SAMTOR: variants seen among roughly 807,000 people sequenced by gnomAD.
SAMTOR encodes the protein S-adenosylmethionine sensor upstream of mTORC1, also known as UPF0532 protein C7orf60.
the SAMTOR span, among the ~76,000 whole-genome samples, chr7:112,869,049 C>T: frequency 6.6e-6 from 1 of 152,104 alleles, no homozygotes. Flanking sequence ...ACTGCCCCAA[C>T]AGAAGGAGGA....
At chr7:112,835,511 A>C in the SAMTOR span, among the ~76,000 whole-genome samples, 1 of 152,108 alleles carries the variant, frequency 6.6e-6, no homozygotes, top group African/African-American at 2.4e-5. Flanking sequence ...TTTTAGGTCC[A>C]GGGGTACATG....
At chr7:112,834,564 C>T in the SAMTOR span, among the ~76,000 whole-genome samples, 54 of 152,242 alleles carry the variant, frequency 3.5e-4, no homozygotes, top group African/African-American at 1.2e-3. Flanking sequence ...ATTTAAATTG[C>T]GTGACATTCT....
chr7:112,891,168 ATTTC>A, the SAMTOR span, among the ~76,000 whole-genome samples: 5 of 152,226 alleles, frequency 3.3e-5, no homozygotes, highest in African/African-American at 1.2e-4. Flanking sequence ...TAACTATATA[ATTTC>A]TTTAACTGGC....
At chr7:112,900,152 A>G in the SAMTOR span, among the ~76,000 whole-genome samples, 4 of 152,288 alleles carry the variant, frequency 2.6e-5, no homozygotes, top group South Asian at 8.3e-4. Context: ...ATATCTAAGA[A>G]GAGATTTGTA....
At chr7:112,939,514 T>C in the SAMTOR span, 3 of 1,605,342 alleles carry the variant, frequency 1.9e-6, no homozygotes, top group African/African-American at 2.7e-5. Flanking sequence ...GGTGGCCTCT[T>C]TGGAGGAGGG....
chr7:112,902,439 C>CAAAAAAAAAAAAAAAAAAAAAAAAAAAAA, the SAMTOR span, among the ~76,000 whole-genome samples: 1 of 81,460 alleles, frequency 1.2e-5, no homozygotes, highest in African/African-American at 4.9e-5. Context: ...CAAAAAAAAA[C>CAAAAAAAAAAAAAAAAAAAAAAAAAAAAA]AAAAAAAAAC....
chr7:112,878,579 A>T, the SAMTOR span, among the ~76,000 whole-genome samples: 1 of 152,282 alleles, frequency 6.6e-6, no homozygotes, highest in East Asian at 1.9e-4. Flanking sequence ...ATCTAAGGAC[A>T]AACAGGAAAT....
At chr7:112,920,185 A>C in the SAMTOR span, among the ~76,000 whole-genome samples, 1 of 152,370 alleles carries the variant, frequency 6.6e-6, no homozygotes, top group South Asian at 2.1e-4. Context: ...ATGAACATTG[A>C]TGCAAAAATC....
the SAMTOR span, among the ~76,000 whole-genome samples, chr7:112,922,102 C>T: frequency 4.6e-5 from 7 of 152,122 alleles, no homozygotes; most frequent in Non-Finnish European, 8.8e-5. Context: ...ATTACAGGCG[C>T]GCGCCGCCAC....
At chr7:112,893,192 C>A in the SAMTOR span, among the ~76,000 whole-genome samples, 3 of 152,194 alleles carry the variant, frequency 2.0e-5, no homozygotes, top group South Asian at 6.2e-4. Context: ...AGCTCTGAAG[C>A]CAGGTATTGA....
chr7:112,863,742 G>A, the SAMTOR span, among the ~76,000 whole-genome samples: 22 of 151,954 alleles, frequency 1.4e-4, no homozygotes, highest in African/African-American at 4.6e-4. Flanking sequence ...ATCTCACGTC[G>A]GTCAGATGTC....
At chr7:112,906,590 GAC>G in the SAMTOR span, among the ~76,000 whole-genome samples, 1,565 of 131,774 alleles carry the variant, frequency 0.012, 27 homozygotes, top group African/African-American at 0.042. Flanking sequence ...TTTTTTTTGA[GAC>G]AGAGTCTTGC....
the SAMTOR span, among the ~76,000 whole-genome samples, chr7:112,868,282 G>A: frequency 6.6e-6 from 1 of 152,204 alleles, no homozygotes; most frequent in Non-Finnish European, 1.5e-5. Flanking sequence ...AGCAAAAATA[G>A]TGCGTAAAGA....
the SAMTOR span, among the ~76,000 whole-genome samples, chr7:112,886,278 T>C: frequency 6.6e-6 from 1 of 152,236 alleles, no homozygotes; most frequent in Non-Finnish European, 1.5e-5. Context: ...TTCCATCATG[T>C]TAATAAAGAG....
chr7:112,887,137 A>T, the SAMTOR span, among the ~76,000 whole-genome samples: 1 of 151,906 alleles, frequency 6.6e-6, no homozygotes, highest in East Asian at 1.9e-4. Context: ...GTGCCACTCT[A>T]CTCCAGCCTG....
the SAMTOR span, among the ~76,000 whole-genome samples, chr7:112,914,731 ATGTAT>A: frequency 1.3e-5 from 2 of 152,182 alleles, no homozygotes; most frequent in Admixed American, 6.5e-5. Context: ...TTATATTTAA[ATGTAT>A]TGTATGTATT....
chr7:112,933,185 T>A, the SAMTOR span, among the ~76,000 whole-genome samples: 1 of 152,148 alleles, frequency 6.6e-6, no homozygotes, highest in African/African-American at 2.4e-5. Context: ...CAAGGACTAG[T>A]AAAAACAGGA....
At chr7:112,840,402 C>T in the SAMTOR span, among the ~76,000 whole-genome samples, 7 of 151,690 alleles carry the variant, frequency 4.6e-5, no homozygotes, top group African/African-American at 1.7e-4. Context: ...TTTAGACTTT[C>T]CATTTGGGAT....
the SAMTOR span, among the ~76,000 whole-genome samples, chr7:112,835,489 T>C: frequency 1.3e-5 from 2 of 152,158 alleles, no homozygotes; most frequent in Admixed American, 6.6e-5. Context: ...GAAGTTCTTT[T>C]ATAAACTTTT....
Sources: gnomAD v4.1 joint callset for allele counts (sites outside exome capture counted in the v4.1 genomes callset) on GRCh38, gnomAD v4.1.1 for gene constraint, MANE v1.5 for transcripts, NCBI Gene and HGNC (gene_info 2026-07-23, HGNC 2026-07-21) for gene names.